The following PLXND1 variants were observed in gnomAD, a reference collection of about 807,000 sequenced individuals.
The protein encoded by PLXND1 is plexin D1.
Under a neutral mutation model 197.7 loss-of-function variants are expected in PLXND1, and 54 were observed. That is an observed-to-expected ratio of 0.27 (90% CI 0.22 to 0.34). PLXND1 has a LOEUF of 0.34. Among genes scored for constraint, PLXND1 ranks in the 10% least tolerant of loss-of-function variants. PLXND1 has a pLI of 1.00. For missense variants in PLXND1, 2,127 were observed against 2,699.2 expected (o/e 0.79, Z 4.70); for synonymous variants, 1,180 against 1,161.2 (o/e 1.02, Z -0.33).
At chr3:129,589,219 G>T (rs908405301) in intron 2 of PLXND1, 132 bp downstream of exon 2, 3 of 714,994 alleles carry the variant, frequency 4.2e-6, no homozygotes, top group Non-Finnish European at 4.6e-6. Context: ...ACTGTAAAGT[G>T]CTAGGCGAAT....
At chr3:129,600,973 T>A (rs1228951177) in intron 1 of PLXND1, among the ~76,000 whole-genome samples, 1 of 152,084 alleles carries the variant, frequency 6.6e-6, no homozygotes, top group Non-Finnish European at 1.5e-5. Context: ...ATTCCTTTTG[T>A]TTTAAAAATA....
Position 129,556,109 on chromosome 3 carries a change from A to C in PLXND1, c.*203T>G. On this transcript the variant is annotated 3_prime_UTR_variant, in exon 36 of 36. Transcript: ENST00000324093. ...CTCCATCCCAGAGACTGATCTGGGG[A>C]CAGGTGGGAGGGGATGGAGGTGCCC... The C allele has an allele frequency of 1.8e-6, 1 of 559,504 alleles. No individual in the cohort carries two copies. Among genetic ancestry groups the C allele is most frequent in the Non-Finnish European group, 3.2e-6 (1 of 310,670 alleles). 34.7% of individuals were successfully genotyped at this position (559,504 alleles called of 1,614,324 possible).
At chr3:129,588,654 G>C (rs958837545) in intron 2 of PLXND1, among the ~76,000 whole-genome samples, 20 of 152,274 alleles carry the variant, frequency 1.3e-4, no homozygotes, top group Non-Finnish European at 1.2e-4. Context: ...CGGGCCTGGT[G>C]CATGAATAGA....
In PLXND1 at chr3:129,605,874, C is replaced by A; in HGVS notation, c.766G>T (p.Asp256Tyr). 1 of 1,613,678 alleles carries A rather than the reference C, an allele frequency of 6.2e-7. No individual in the cohort carries two copies. Among genetic ancestry groups the A allele is most frequent in the Non-Finnish European group, 8.5e-7 (1 of 1,179,914 alleles). ...RGDLAKLFTFDLNPSDDNILK... is the reference protein window; with the variant it reads ...RGDLAKLFTFYLNPSDDNILK... ...ATGTTGTCGTCGGAGGGGTTGAGGTCGAAGGTGAAGAGCTTGGCCAGGTCG... is the reference window on the plus strand; with the variant it reads ...ATGTTGTCGTCGGAGGGGTTGAGGTAGAAGGTGAAGAGCTTGGCCAGGTCG... Residue 256 changes from aspartate (D) to tyrosine (Y), a missense_variant, in exon 1 of 36, where the codon GAC becomes TAC. By Grantham distance (160) the Asp-to-Tyr change is radical (BLOSUM62 -3). This residue lies in a region of PLXND1 where 1,095 missense variants were observed against 1,259.8 expected (regional missense o/e 0.87). Coordinates refer to ENST00000324093, the MANE Select transcript of PLXND1 (RefSeq NM_015103.3).
chr3:129,561,052 G>A (rs746330746), intron 29 of PLXND1: 4 of 503,860 alleles, frequency 7.9e-6, no homozygotes, highest in South Asian at 1.5e-5. Context: ...CCGGGATGGA[G>A]GGACTTGGAA....
At position 129,577,054 on chromosome 3, in the gene PLXND1, G is replaced by A. The variant is rs963957574; in HGVS notation, c.2347-1199C>T. Among the ~76,000 whole-genome samples, 8 of 152,164 alleles carry A rather than the reference G, an allele frequency of 5.3e-5. No homozygotes were observed. Among genetic ancestry groups the A allele is most frequent in the South Asian group, 2.1e-4 (1 of 4,830 alleles). On this transcript the variant is annotated intron_variant, in intron 9 of 35. Coordinates refer to ENST00000324093, the MANE Select transcript of PLXND1 (RefSeq NM_015103.3). The surrounding 1 kb of genome is among the most constrained non-coding windows in gnomAD (Gnocchi z 5.0). The stretch of plus-strand genomic sequence containing the variant: ...CTCCCTGCTTCTGGGGTCCCAGCCC[G>A]GAAGCTAACACAGGAAAGTGGCTGC...
At chr3:129,579,424 A>G (rs764534911) in intron 8 of PLXND1, among the ~76,000 whole-genome samples, 22 of 151,990 alleles carry the variant, frequency 1.4e-4, no homozygotes, top group Non-Finnish European at 3.2e-4. Context: ...ACAGAATAAG[A>G]AACTGAGGCC....
At position 129,571,242 on chromosome 3, in the gene PLXND1, G is replaced by GCGTT; in HGVS notation, c.3394_3397dup (p.Ala1133GlufsTer23). The GCGTT allele has an allele frequency of 1.9e-6, 3 of 1,614,036 alleles. No individual in the cohort carries two copies. The highest frequency in any genetic ancestry group is 2.5e-6 in the Non-Finnish European group (3 of 1,179,908). On this transcript the variant is annotated frameshift_variant, in exon 18 of 36. Coordinates refer to ENST00000324093, the MANE Select transcript of PLXND1 (RefSeq NM_015103.3). LOFTEE classifies it high-confidence loss of function. ...GATGAAGAAGTCCACTGGCGCTGAT[G>GCGTT]CGTTGCTCAGGGCCCCGGGGGACGG...
rs758707517 is a variant in PLXND1, at chr3:129,572,681, T to C, written c.3005A>G (p.His1002Arg). 6.2e-7 allele frequency: 1 copy of C among 1,606,842 alleles called. No homozygotes were observed. The highest frequency in any genetic ancestry group is 2.2e-5 in the East Asian group (1 of 44,794). ...PKAGGTRITI[H>R]GNDLHVGSEL... ...GGAGCCTACATGGAGGTCATTCCCA[T>C]GGATGGTGATCCTGGTGCCCCCGGC... The change falls in exon 15 of 36, where the codon CAT becomes CGT. Residue 1002 changes from histidine (H) to arginine (R), a missense_variant. His to Arg is a conservative substitution (Grantham distance 29). Coordinates refer to ENST00000324093, the MANE Select transcript of PLXND1 (RefSeq NM_015103.3).
intron 34 of PLXND1, 164 bp from the exon 35 acceptor site, chr3:129,556,855 A>T: frequency 2.9e-6 from 2 of 690,790 alleles, no homozygotes; most frequent in Admixed American, 2.5e-5. Flanking sequence ...GGCTTCCCGG[A>T]CCCTGAAGTC....
At chr3:129,580,562 G>A (rs1249810807) in intron 8 of PLXND1, among the ~76,000 whole-genome samples, 1 of 152,132 alleles carries the variant, frequency 6.6e-6, no homozygotes, top group Admixed American at 6.5e-5. Context: ...AGGTGTGAGA[G>A]TCAGGGCAGG....
At chr3:129,594,523 T>C (rs1346075523) in intron 1 of PLXND1, among the ~76,000 whole-genome samples, 1 of 152,180 alleles carries the variant, frequency 6.6e-6, no homozygotes, top group Non-Finnish European at 1.5e-5. Flanking sequence ...CGCAGCTCAC[T>C]ACATCCTGGC....
Position 129,565,505 on chromosome 3 carries a change from C to A in PLXND1, c.4356G>T (p.Leu1452=). The A allele has an allele frequency of 3.7e-6, 6 of 1,613,862 alleles. No individual in the cohort carries two copies. The highest frequency in any genetic ancestry group is 5.1e-6 in the Non-Finnish European group (6 of 1,180,014). Residue 1452 remains leucine (L), a synonymous_variant, in exon 25 of 36, where the codon CTG becomes CTT. Coordinates refer to ENST00000324093, the MANE Select transcript of PLXND1 (RefSeq NM_015103.3). ...CSLASLLTIA[L]HGKLEYYTSI... is the part of the protein sequence containing the mutation. ...TGGTGTAGTACTCCAGCTTGCCGTG[C>A]AGCGCGATGGTCAGCAGCGAGGCCA...
intron 29 of PLXND1, 129 bp downstream of exon 29, chr3:129,561,517 C>T (rs1426097331): frequency 7.4e-6 from 5 of 675,254 alleles, no homozygotes; most frequent in Admixed American, 2.5e-5. Flanking sequence ...CCCCGCCCAG[C>T]CCCCACCAAG....
At position 129,586,683 on chromosome 3, in the gene PLXND1, G is replaced by A. The variant is rs542362609; in HGVS notation, c.1525C>T (p.Arg509Trp). 1.1e-5 allele frequency: 17 copies of A among 1,595,140 alleles called. No individual in the cohort carries two copies. Among genetic ancestry groups the A allele is most frequent in the South Asian group, 2.3e-5 (2 of 87,650 alleles). The change falls in exon 3 of 36, where the codon CGG becomes TGG. Residue 509 changes from arginine to tryptophan, a missense_variant. Around this residue, in one of 6 missense-constraint regions of PLXND1, gnomAD observed 1,095 missense variants for 1,259.8 expected, o/e 0.87. Coordinates refer to ENST00000324093, the MANE Select transcript of PLXND1 (RefSeq NM_015103.3). Reference sequence around the variant, plus strand: ...TCCCCATAGGCCACAGTCACCACCCGCCTGCTCACCACCTGCATGCTCTCG... The same window carrying A: ...TCCCCATAGGCCACAGTCACCACCCACCTGCTCACCACCTGCATGCTCTCG... Reference protein sequence around the residue: ...LNESMQVVSRRVVTVAYGEPV... With the variant: ...LNESMQVVSRWVVTVAYGEPV...
rs768456789 is a variant in PLXND1, at chr3:129,566,511, G to A, written c.4191+16C>T. 4 of 1,508,394 alleles carry A rather than the reference G, an allele frequency of 2.7e-6. No homozygotes were observed. The highest frequency in any genetic ancestry group is 3.3e-5 in the Admixed American group (2 of 59,878). The allele number at this position is 1,508,394 out of a possible 1,614,324, so 93.4% of individuals were successfully genotyped here. On this transcript the variant is annotated intron_variant, in intron 23 of 35. Coordinates refer to ENST00000324093, the MANE Select transcript of PLXND1 (RefSeq NM_015103.3). ...CCCTGAAGCAGCCCACTGTGTGTGGGTCGTGGGGTACTCACCTTCCACTCT... is the reference window on the plus strand; with the variant it reads ...CCCTGAAGCAGCCCACTGTGTGTGGATCGTGGGGTACTCACCTTCCACTCT...
chr3:129,565,286 T>C (rs2085121561), intron 25 of PLXND1, 54 bp downstream of exon 25: 2 of 1,505,644 alleles, frequency 1.3e-6, no homozygotes, highest in Non-Finnish European at 1.8e-6. Context: ...TCACTGCCGC[T>C]GAGTCCCTGC....
intron 8 of PLXND1, among the ~76,000 whole-genome samples, chr3:129,578,864 G>C (rs1041181164): frequency 2.6e-5 from 4 of 152,164 alleles, no homozygotes; most frequent in Non-Finnish European, 5.9e-5. Flanking sequence ...TGACTGACCC[G>C]TGTTAAGCGA....
intron 22 of PLXND1, among the ~76,000 whole-genome samples, chr3:129,566,880 G>A (rs2085149075): frequency 6.6e-6 from 1 of 152,260 alleles, no homozygotes; most frequent in Admixed American, 6.5e-5. Context: ...GGGGGAAACT[G>A]AGGCAGAAAG....
Sources: allele counts gnomAD v4.1 joint callset (sites outside exome capture counted in the v4.1 genomes callset), GRCh38; gene constraint gnomAD v4.1.1; regional missense constraint gnomAD v4.1.1; non-coding constraint Gnocchi (gnomAD v3.1); transcripts MANE v1.5; gene names NCBI Gene and HGNC (gene_info 2026-07-23, HGNC 2026-07-21).